ZNF30: variants seen among roughly 807,000 people sequenced by gnomAD.
The protein encoded by ZNF30 is zinc finger protein 30.
A neutral mutation model predicts 13.2 loss-of-function variants in ZNF30; 15 were observed. The observed-to-expected ratio is 1.13, with a 90% CI of 0.76 to 1.75. The LOEUF (loss-of-function observed/expected upper bound fraction) is 1.75, where lower values mean the gene tolerates loss of function less well. ZNF30 is among the 40% of genes most tolerant of loss of function. The pLI is 0.00. For synonymous variants in ZNF30, 223 were observed against 256.6 expected (o/e 0.87, Z 1.25); for missense variants, 726 against 757.0 (o/e 0.96, Z 0.48).
chr19:34,924,400 A>ATTCACCCCTCACCCC (rs1285943258), upstream of ZNF30, among the ~76,000 whole-genome samples: 1 of 152,152 alleles, frequency 6.6e-6, no homozygotes. Flanking sequence ...TTTCTATTGT[A>ATTCACCCCTCACCCC]TTCACCCCTC....
rs1568533919 is a variant in ZNF30, at chr19:34,928,223, ATATAT to A, written c.-65+1008_-65+1012del. ...ATCCCTTCTCTAAAAAAAAAAAAAT[ATATAT>A]ATATATATATATATATATATATATA... On this transcript the variant is annotated intron_variant, in intron 1 of 4. Transcript: ENST00000601142. Among the ~76,000 whole-genome samples the A allele has an allele frequency of 4.4e-3, 224 of 51,302 alleles. 2 individuals are homozygous for A. Among genetic ancestry groups the A allele is most frequent in the African/African-American group, 0.019 (130 of 6,828 alleles). 33.7% of individuals were successfully genotyped at this position (51,302 alleles called of 152,430 possible). A position where few individuals can be genotyped will look rare whatever the true frequency, so the allele number is the denominator to read the frequency against.
rs1161812261 is a variant in ZNF30, at chr19:34,944,091, G to T, written c.1125G>T (p.Lys375Asn). The T allele has an allele frequency of 6.2e-7, 1 of 1,613,540 alleles. No homozygotes were observed. Among genetic ancestry groups the T allele is most frequent in the African/African-American group, 1.3e-5 (1 of 74,922 alleles). Reference sequence around the variant, plus strand: ...CAGAGATAAAGCCCTACGGATGCAAGGAATGCGGGAGAACCTTCAGTCGTG... The same window carrying T: ...CAGAGATAAAGCCCTACGGATGCAATGAATGCGGGAGAACCTTCAGTCGTG... ...IHAEIKPYGCKECGRTFSRAS... is the reference protein window; with the variant it reads ...IHAEIKPYGCNECGRTFSRAS... Residue 375 changes from lysine (K) to asparagine (N), a missense_variant, in exon 5 of 5, where the codon AAG becomes AAT. Physicochemically the swap from Lys to Asn is moderately conservative, Grantham distance 94. Coordinates refer to ENST00000601142, the MANE Select transcript of ZNF30 (RefSeq NM_194325.3).
chr19:34,937,757 T>A (rs924979660), intron 4 of ZNF30, among the ~76,000 whole-genome samples: 1 of 151,524 alleles, frequency 6.6e-6, no homozygotes, highest in Non-Finnish European at 1.5e-5. Flanking sequence ...AATGATCACC[T>A]GAAAAGTGAA....
intron 4 of ZNF30, among the ~76,000 whole-genome samples, chr19:34,935,950 G>A (rs2012715303): frequency 6.6e-6 from 1 of 151,946 alleles, no homozygotes; most frequent in African/African-American, 2.4e-5. Flanking sequence ...GTCTTACATG[G>A]CAGCAGACAA....
chr19:34,930,068 T>C, intron 2 of ZNF30, 112 bp downstream of exon 2: 1 of 1,043,376 alleles, frequency 9.6e-7, no homozygotes, highest in Non-Finnish European at 1.4e-6. Flanking sequence ...GCCTACTTGA[T>C]TCCTTCTGTT....
chr19:34,936,892 T>C (rs1208514403), intron 4 of ZNF30, among the ~76,000 whole-genome samples: 1 of 151,962 alleles, frequency 6.6e-6, no homozygotes, highest in Non-Finnish European at 1.5e-5. Flanking sequence ...AAAACCCCTG[T>C]CTCAAAAAAT....
intron 3 of ZNF30, 38 bp downstream of exon 3, chr19:34,932,031 C>T: frequency 6.6e-7 from 1 of 1,512,914 alleles, no homozygotes. Context: ...GAATCTGCTC[C>T]CTGTTATACT....
intron 3 of ZNF30, 124 bp downstream of exon 3, chr19:34,932,117 C>A: frequency 1.0e-6 from 1 of 962,272 alleles, no homozygotes; most frequent in Non-Finnish European, 1.4e-6. Flanking sequence ...ATGATTTGAG[C>A]TTTGTTAGGT....
intron 4 of ZNF30, among the ~76,000 whole-genome samples, chr19:34,939,136 C>G (rs1290705866): frequency 1.0e-5 from 1 of 99,174 alleles, no homozygotes; most frequent in Admixed American, 9.1e-5. Context: ...CCTCCCCTCC[C>G]CTCCCCTCCC....
chr19:34,936,101 C>G (rs1316047899), intron 4 of ZNF30, among the ~76,000 whole-genome samples: 1 of 152,168 alleles, frequency 6.6e-6, no homozygotes, highest in Admixed American at 6.5e-5. Flanking sequence ...TCCCACAACA[C>G]GTGGGAATTA....
chr19:34,930,066 G>A, intron 2 of ZNF30, 110 bp downstream of exon 2: 1 of 1,060,434 alleles, frequency 9.4e-7, no homozygotes, highest in African/African-American at 1.6e-5. Flanking sequence ...TTGCCTACTT[G>A]ATTCCTTCTG....
intron 4 of ZNF30, among the ~76,000 whole-genome samples, chr19:34,940,494 C>A (rs1261329693): frequency 6.6e-6 from 1 of 151,762 alleles, no homozygotes; most frequent in Non-Finnish European, 1.5e-5. Context: ...ATGGTGAAAC[C>A]CTGTCTTTAC....
rs79233678 is a variant in ZNF30 at position 34,944,375 on chromosome 19, A to T, written c.1409A>T (p.His470Leu). 3 of 1,614,202 alleles carry T rather than the reference A, an allele frequency of 1.9e-6. No homozygotes were observed. Among genetic ancestry groups the T allele is most frequent in the Non-Finnish European group, 2.5e-6 (3 of 1,180,042 alleles). ...ECGKAFRVHV[H>L]LTQHRKIHTD... Reference sequence around the variant, plus strand: ...GGCAAGGCCTTCAGAGTGCACGTACATCTCACACAGCATCGGAAAATTCAT... The same window carrying T: ...GGCAAGGCCTTCAGAGTGCACGTACTTCTCACACAGCATCGGAAAATTCAT... Residue 470 changes from histidine to leucine, a missense_variant, in exon 5 of 5, where the codon CAT becomes CTT. Transcript: ENST00000601142.
chr19:34,943,325 G>C lies in ZNF30; in HGVS notation c.359G>C (p.Arg120Pro). 6.2e-7 allele frequency: 1 copy of C among 1,613,874 alleles called. No individual in the cohort carries two copies. The highest frequency in any genetic ancestry group is 8.5e-7 in the Non-Finnish European group (1 of 1,179,864). ...LHQKISRQKP[R>P]ECQEYGKTLC... Reference sequence around the variant, plus strand: ...CAGAAAATAAGTAGACAGAAACCACGTGAATGTCAGGAATATGGAAAGACC... The same window carrying C: ...CAGAAAATAAGTAGACAGAAACCACCTGAATGTCAGGAATATGGAAAGACC... Residue 120 changes from arginine (R) to proline (P), a missense_variant, in exon 5 of 5, where the codon CGT (arginine) becomes CCT (proline). Transcript: ENST00000601142.
intron 2 of ZNF30, among the ~76,000 whole-genome samples, chr19:34,930,591 C>T (rs2012395258): frequency 6.6e-6 from 1 of 152,178 alleles, no homozygotes. Flanking sequence ...GGTGCAGTGG[C>T]TCACACCTGT....
rs1297629652 is a variant in ZNF30 at position 34,944,792 on chromosome 19, C to T, written c.1826C>T (p.Ser609Leu). Residue 609 changes from serine to leucine, a missense_variant, in exon 5 of 5, where the codon TCA becomes TTA. Transcript: ENST00000601142. Reference sequence around the variant, plus strand: ...TGTGGGAAGACCTTTAGATACAGTTCAGCCCTTAAAGTGCATCTGAGAAAA... The same window carrying T: ...TGTGGGAAGACCTTTAGATACAGTTTAGCCCTTAAAGTGCATCTGAGAAAA... ...KKCGKTFRYS[S>L]ALKVHLRKHM... 1.5e-5 allele frequency: 24 copies of T among 1,611,556 alleles called. No homozygotes were observed. Among genetic ancestry groups the T allele is most frequent in the Non-Finnish European group, 2.0e-5 (24 of 1,178,146 alleles).
At chr19:34,928,728 G>T (rs2012267503) in intron 1 of ZNF30, among the ~76,000 whole-genome samples, 1 of 152,000 alleles carries the variant, frequency 6.6e-6, no homozygotes, top group South Asian at 2.1e-4. Flanking sequence ...AGCTACTTGG[G>T]AGGCTCCCAG....
At chr19:34,931,190 A>G (rs1220207911) in intron 2 of ZNF30, among the ~76,000 whole-genome samples, 4 of 152,056 alleles carry the variant, frequency 2.6e-5, no homozygotes, top group Non-Finnish European at 5.9e-5. Context: ...GGCACATGCC[A>G]CAACGCCCAG....
chr19:34,936,853 A>G (rs1255200082), intron 4 of ZNF30, among the ~76,000 whole-genome samples: 1 of 152,062 alleles, frequency 6.6e-6, no homozygotes, highest in Non-Finnish European at 1.5e-5. Flanking sequence ...CTATGATCGC[A>G]CCACTGCACT....
Sources: allele counts gnomAD v4.1 joint callset (sites outside exome capture counted in the v4.1 genomes callset), GRCh38; gene constraint gnomAD v4.1.1; transcripts MANE v1.5; gene names NCBI Gene and HGNC (gene_info 2026-07-23, HGNC 2026-07-21).